Variants in PIK3C2B observed in about 807,000 individuals in gnomAD.
PIK3C2B encodes the protein phosphatidylinositol-4-phosphate 3-kinase catalytic subunit type 2 beta.
PIK3C2B carries 83 observed loss-of-function variants against 184.3 expected under a neutral mutation model. The observed-to-expected ratio is 0.45, with a 90% CI of 0.38 to 0.54. The LOEUF (loss-of-function observed/expected upper bound fraction) is 0.54. Ranked by LOEUF, PIK3C2B falls within the 20% of genes least tolerant of loss-of-function variation. The pLI is 0.00. For missense variants in PIK3C2B, 1,736 were observed against 2,113.5 expected (o/e 0.82, Z 3.50); for synonymous variants, 779 against 837.6 (o/e 0.93, Z 1.21).
Position 204,494,585 on chromosome 1 carries a change from G to C in PIK3C2B, c.-314C>G, listed in dbSNP as rs1024696808. ...GAGGGAGAGGCAGCAAAGGGCGCAA[G>C]GACCAGCTTGTGGGGGTGGGGAGGG... is the stretch of plus-strand genomic sequence containing the variant. On this transcript the variant is annotated 5_prime_UTR_variant, in exon 1 of 33. Coordinates refer to ENST00000684373, the MANE Select transcript of PIK3C2B (RefSeq NM_001377334.1). 6.5e-6 allele frequency: 1 copy of C among 152,704 alleles called. No individual in the cohort carries two copies. 9.5% of individuals were successfully genotyped at this position (152,704 alleles called of 1,614,324 possible).
At chr1:204,452,003 A>T (rs1398810907) in intron 12 of PIK3C2B, among the ~76,000 whole-genome samples, 1 of 152,164 alleles carries the variant, frequency 6.6e-6, no homozygotes, top group Non-Finnish European at 1.5e-5. Context: ...TGGCCCAAAG[A>T]CTGTCCTCTG....
At position 204,443,534 on chromosome 1, in the gene PIK3C2B, G is replaced by C. The variant is rs1160448508; in HGVS notation, c.2931C>G (p.Ala977=). The C allele has an allele frequency of 6.2e-6, 10 of 1,614,140 alleles. No individual in the cohort carries two copies. The highest frequency in any genetic ancestry group is 8.5e-6 in the Non-Finnish European group (10 of 1,179,940). The change falls in exon 19 of 33, where the codon GCC becomes GCG. Residue 977 remains alanine, a synonymous_variant. Coordinates refer to ENST00000684373, the MANE Select transcript of PIK3C2B (RefSeq NM_001377334.1). The part of the protein sequence containing the change: ...FSIRYQYLLA[A]LLCCCGKGLR... ...GCCCCTTGCCACAGCAGCACAGTAAGGCTGCCAGCAGATACTGGTAGCGGA... is the reference window on the plus strand; with the variant it reads ...GCCCCTTGCCACAGCAGCACAGTAACGCTGCCAGCAGATACTGGTAGCGGA...
At chr1:204,470,910 A>T (rs1020769377) in intron 1 of PIK3C2B, among the ~76,000 whole-genome samples, 3 of 152,342 alleles carry the variant, frequency 2.0e-5, no homozygotes, top group Admixed American at 6.5e-5. Flanking sequence ...TTCCATTTAT[A>T]TAAAATTCTG....
At chr1:204,456,496 C>T (rs545084799) in intron 10 of PIK3C2B, among the ~76,000 whole-genome samples, 3 of 152,004 alleles carry the variant, frequency 2.0e-5, no homozygotes, top group African/African-American at 7.2e-5. Context: ...CCCAGGGATG[C>T]CAAAACAAAA....
At chr1:204,428,928 A>G (rs1333266006) in intron 29 of PIK3C2B, 3 of 455,404 alleles carry the variant, frequency 6.6e-6, no homozygotes, top group South Asian at 4.7e-5. Flanking sequence ...TAAAAAGTTT[A>G]AAAAGAAAAA....
chr1:204,434,430 A>C lies in PIK3C2B; in HGVS notation c.3686+9T>G. Reference sequence around the variant, plus strand: ...TTCACTCACAATCTGGCTTCAGGAGATCACTTACCGCTTGATGTTGCCAAA... The same window carrying C: ...TTCACTCACAATCTGGCTTCAGGAGCTCACTTACCGCTTGATGTTGCCAAA... On this transcript the variant is annotated intron_variant, in intron 24 of 32. Transcript: ENST00000684373. 3 of 1,613,642 alleles carry C rather than the reference A, an allele frequency of 1.9e-6. No homozygotes were observed. The highest frequency in any genetic ancestry group is 2.5e-6 in the Non-Finnish European group (3 of 1,179,676).
intron 1 of PIK3C2B, among the ~76,000 whole-genome samples, chr1:204,470,168 CTTT>C (rs34940315): frequency 1.4e-5 from 2 of 138,180 alleles, no homozygotes; most frequent in Admixed American, 7.3e-5. Context: ...AGAGAGGCAC[CTTT>C]TTTTTTTTTT....
In PIK3C2B at chr1:204,454,773, G is replaced by A. The variant is rs1375905075; in HGVS notation, c.1962C>T (p.Leu654=). 2.5e-6 allele frequency: 4 copies of A among 1,612,876 alleles called. No individual in the cohort carries two copies. The highest frequency in any genetic ancestry group is 2.2e-5 in the East Asian group (1 of 44,878). Residue 654 remains leucine, a synonymous_variant, in exon 12 of 33, where the codon CTC becomes CTT. Transcript: ENST00000684373. ...TGCCGCCATGGCTGAGGGAGCAGGAGAGGTAGAAATCTTCATAGCTATAAA... is the reference window on the plus strand; with the variant it reads ...TGCCGCCATGGCTGAGGGAGCAGGAAAGGTAGAAATCTTCATAGCTATAAA... ...IWATSYEDFY[L]SCSLSHGGKE... is the part of the protein sequence containing the mutation.
intron 2 of PIK3C2B, among the ~76,000 whole-genome samples, chr1:204,468,224 C>T (rs1215177177): frequency 2.0e-5 from 3 of 151,724 alleles, no homozygotes; most frequent in East Asian, 1.9e-4. Flanking sequence ...TTTTACGTTA[C>T]GTATATTTTA....
chr1:204,463,162 A>G (rs945907255), intron 5 of PIK3C2B, among the ~76,000 whole-genome samples: 1 of 152,210 alleles, frequency 6.6e-6, no homozygotes, highest in Non-Finnish European at 1.5e-5. Context: ...TGAATGTAAG[A>G]GAGAGAAAAA....
chr1:204,446,065 GCACCAGGGGGAGCGAGCT>G lies in PIK3C2B; in HGVS notation c.2551_2568del (p.Ser851_Val856del). 6.2e-7 allele frequency: 1 copy of G among 1,600,544 alleles called. No individual in the cohort carries two copies. Among genetic ancestry groups the G allele is most frequent in the Non-Finnish European group, 8.5e-7 (1 of 1,170,970 alleles). ...CACTCCCAGCTGGGGGCGCTGGCGA[GCACCAGGGGGAGCGAGCT>G]CACCTCCGAGTGGCAGTAATATCGC... is the stretch of plus-strand genomic sequence containing the variant. On this transcript the variant is annotated inframe_deletion, in exon 16 of 33. Coordinates refer to ENST00000684373, the MANE Select transcript of PIK3C2B (RefSeq NM_001377334.1).
chr1:204,439,036 G>A lies in PIK3C2B; in HGVS notation c.3415C>T (p.Arg1139Cys), dbSNP rs754382581. The A allele has an allele frequency of 2.2e-5, 36 of 1,613,784 alleles. No homozygotes were observed. The highest frequency in any genetic ancestry group is 3.0e-5 in the Non-Finnish European group (35 of 1,179,964). ...ACCCCATGCTCCACCTGGATCTTACGCAGGGTCTCAGCATTAGGGATCATC... is the reference window on the plus strand; with the variant it reads ...ACCCCATGCTCCACCTGGATCTTACACAGGGTCTCAGCATTAGGGATCATC... Reference protein sequence around the residue: ...VEMIPNAETLRKIQVEHGVTG... With the variant: ...VEMIPNAETLCKIQVEHGVTG... Residue 1139 changes from arginine to cysteine, a missense_variant, in exon 23 of 33, where the codon CGT becomes TGT. Physicochemically the swap from Arg to Cys is radical, Grantham distance 180. Around this residue, in one of 8 missense-constraint regions of PIK3C2B, gnomAD observed 289 missense variants for 380.4 expected, o/e 0.76. Transcript: ENST00000684373.
At chr1:204,456,117 G>T in intron 10 of PIK3C2B, 66 bp from the exon 11 acceptor site, 1 of 1,361,486 alleles carries the variant, frequency 7.3e-7, no homozygotes, top group Non-Finnish European at 1.0e-6. Flanking sequence ...TGTTGCCATG[G>T]CATTGGCTAG....
Position 204,442,531 on chromosome 1 carries a change from G to T in PIK3C2B, c.3151C>A (p.Pro1051Thr). 1 of 1,550,814 alleles carries T rather than the reference G, an allele frequency of 6.4e-7. No individual in the cohort carries two copies. The highest frequency in any genetic ancestry group is 8.7e-7 in the Non-Finnish European group (1 of 1,145,784). ...SPSLLVKGIV[P>T]RDCSYFNSNA... ...CAAACCTACCAGTCACTCACCCTGG[G>T]CACAATTCCCTTAACCAGCAGACTG... is the stretch of plus-strand genomic sequence containing the variant. The change falls in exon 20 of 33, where the codon CCC (proline) becomes ACC (threonine). Residue 1051 changes from proline (P) to threonine (T), a missense_variant. Physicochemically the swap from Pro to Thr is conservative, Grantham distance 38. This residue lies in a region of PIK3C2B where 289 missense variants were observed against 380.4 expected (regional missense o/e 0.76). Coordinates refer to ENST00000684373, the MANE Select transcript of PIK3C2B (RefSeq NM_001377334.1).
At position 204,439,025 on chromosome 1, in the gene PIK3C2B, C is replaced by T. The variant is rs1386944156; in HGVS notation, c.3426G>A (p.Gln1142=). The change falls in exon 23 of 33, where the codon CAG becomes CAA. Residue 1142 remains glutamine (Q), a synonymous_variant. Transcript: ENST00000684373. ...IPNAETLRKI[Q]VEHGVTGSFK... ...ACGAGCCGGTCACCCCATGCTCCAC[C>T]TGGATCTTACGCAGGGTCTCAGCAT... is the stretch of plus-strand genomic sequence containing the variant. The T allele has an allele frequency of 1.2e-6, 2 of 1,614,100 alleles. No individual in the cohort carries two copies. The highest frequency in any genetic ancestry group is 1.7e-6 in the Non-Finnish European group (2 of 1,180,008).
intron 13 of PIK3C2B, among the ~76,000 whole-genome samples, chr1:204,449,542 G>T (rs1345009001): frequency 2.6e-5 from 4 of 152,184 alleles, no homozygotes; most frequent in South Asian, 2.1e-4. Context: ...CCTTCATGAG[G>T]TGGGGAGGCT....
chr1:204,446,231 C>T, intron 15 of PIK3C2B, 87 bp from the exon 16 acceptor site: 1 of 903,340 alleles, frequency 1.1e-6, no homozygotes, highest in Non-Finnish European at 1.7e-6. Context: ...CAGCCCTTAC[C>T]CTCAAGGGAG....
At chr1:204,436,672 T>C (rs1675362533) in intron 23 of PIK3C2B, among the ~76,000 whole-genome samples, 1 of 152,254 alleles carries the variant, frequency 6.6e-6, no homozygotes, top group Non-Finnish European at 1.5e-5. Flanking sequence ...TTATTTTTAT[T>C]ATATTCTTAT....
At chr1:204,475,921 CTGGCAA>C (rs1656670613) in intron 1 of PIK3C2B, among the ~76,000 whole-genome samples, 2 of 152,190 alleles carry the variant, frequency 1.3e-5, no homozygotes, top group Admixed American at 1.3e-4. Flanking sequence ...CAGGGCCACA[CTGGCAA>C]TGCTCCTCCC....
Sources: gnomAD v4.1 joint callset for allele counts (sites outside exome capture counted in the v4.1 genomes callset) on GRCh38, gnomAD v4.1.1 for gene constraint, gnomAD v4.1.1 regional missense constraint, MANE v1.5 for transcripts, NCBI Gene and HGNC (gene_info 2026-07-23, HGNC 2026-07-21) for gene names.